The following PCDH9 variants were observed in gnomAD, a reference collection of about 807,000 sequenced individuals.
The protein encoded by PCDH9 is protocadherin-9.
PCDH9 carries 24 observed loss-of-function variants against 70.6 expected under a neutral mutation model. The observed-to-expected ratio is 0.34, with a 90% CI of 0.25 to 0.48. The LOEUF (loss-of-function observed/expected upper bound fraction) is 0.48, where lower values mean the gene tolerates loss of function less well. PCDH9 is among the 20% of genes least tolerant of loss of function. PCDH9 has a pLI of 0.99. For synonymous variants in PCDH9, 562 were observed against 558.5 expected (o/e 1.01, Z -0.09); for missense variants, 1,281 against 1,503.6 (o/e 0.85, Z 2.45).
Position 66,709,981 on chromosome 13 carries a change from T to C in PCDH9, c.3139-78570A>G, listed in dbSNP as rs112844278. Among the ~76,000 whole-genome samples the C allele has an allele frequency of 7.9e-4, 121 of 152,256 alleles. 1 individual carries two copies. Among genetic ancestry groups the C allele is most frequent in the African/African-American group, 2.8e-3 (117 of 41,556 alleles). On this transcript the variant is annotated intron_variant, in intron 3 of 4. Coordinates refer to ENST00000377865, the MANE Select transcript of PCDH9 (RefSeq NM_203487.3). ...ATAGAAATAATATTTTTCATAGTAA[T>C]TTTAAAATATCAATGGATTTTTCTG...
At chr13:66,626,821 T>A (rs2077505530) in intron 4 of PCDH9, among the ~76,000 whole-genome samples, 1 of 152,204 alleles carries the variant, frequency 6.6e-6, no homozygotes, top group South Asian at 2.1e-4. Flanking sequence ...ATGTAAAGAC[T>A]ATCATCATTT....
At chr13:66,348,332 A>T (rs2138162677) in intron 4 of PCDH9, among the ~76,000 whole-genome samples, 1 of 152,266 alleles carries the variant, frequency 6.6e-6, no homozygotes, top group South Asian at 2.1e-4. Context: ...TACCATAGAA[A>T]TGTTCAATAA....
At chr13:66,448,061 G>T (rs1239728469) in intron 4 of PCDH9, among the ~76,000 whole-genome samples, 1 of 151,994 alleles carries the variant, frequency 6.6e-6, no homozygotes, top group Non-Finnish European at 1.5e-5. Flanking sequence ...GGCTGAATAG[G>T]TTCCTTTCTT....
intron 3 of PCDH9, among the ~76,000 whole-genome samples, chr13:66,856,906 T>C (rs1403742305): frequency 6.6e-6 from 1 of 152,052 alleles, no homozygotes; most frequent in Admixed American, 6.6e-5. Flanking sequence ...TGGATTTACC[T>C]TGTAGGTGGG....
At chr13:66,546,787 A>AT (rs1400003365) in intron 4 of PCDH9, among the ~76,000 whole-genome samples, 2 of 152,084 alleles carry the variant, frequency 1.3e-5, no homozygotes, top group Non-Finnish European at 2.9e-5. Context: ...TAAATGTAAC[A>AT]TTTTTTACTC....
chr13:67,081,716 C>A (rs1340563987), intron 2 of PCDH9, among the ~76,000 whole-genome samples: 1 of 152,130 alleles, frequency 6.6e-6, no homozygotes, highest in South Asian at 2.1e-4. Flanking sequence ...CTATGTACTG[C>A]AAATCTTCTG....
At chr13:66,450,634 G>T (rs933227288) in intron 4 of PCDH9, among the ~76,000 whole-genome samples, 33 of 152,168 alleles carry the variant, frequency 2.2e-4, no homozygotes, top group Non-Finnish European at 4.3e-4. Context: ...GTGGAGTTGT[G>T]ACACTGCCAA....
intron 3 of PCDH9, among the ~76,000 whole-genome samples, chr13:66,839,352 A>C (rs1321560641): frequency 6.6e-6 from 1 of 152,134 alleles, no homozygotes; most frequent in African/African-American, 2.4e-5. Flanking sequence ...CCCCAAATCT[A>C]TCGTTTTCTT....
chr13:66,762,329 C>A (rs1416722308), intron 3 of PCDH9, among the ~76,000 whole-genome samples: 1 of 152,042 alleles, frequency 6.6e-6, no homozygotes, highest in Non-Finnish European at 1.5e-5. Flanking sequence ...CCTCCTAGCA[C>A]TGAGACAGGC....
Position 66,831,145 on chromosome 13 carries a change from A to G in PCDH9, c.3138+72359T>C, listed in dbSNP as rs372080076. ...GCATCTACAGATAAGATTCAAATTAATTCTTGGGCAGTAGTGTCTCTTTCT... is the reference window on the plus strand; with the variant it reads ...GCATCTACAGATAAGATTCAAATTAGTTCTTGGGCAGTAGTGTCTCTTTCT... On this transcript the variant is annotated intron_variant, in intron 3 of 4. Transcript: ENST00000377865. Among the ~76,000 whole-genome samples, 8 of 152,258 alleles carry G rather than the reference A, an allele frequency of 5.3e-5. 1 individual carries two copies. Among genetic ancestry groups the G allele is most frequent in the African/African-American group, 1.9e-4 (8 of 41,558 alleles).
At chr13:66,746,415 A>G (rs1217807575) in intron 3 of PCDH9, among the ~76,000 whole-genome samples, 4 of 152,212 alleles carry the variant, frequency 2.6e-5, no homozygotes, top group African/African-American at 9.6e-5. Context: ...TGCCAGATAA[A>G]TACAATTCCT....
intron 3 of PCDH9, among the ~76,000 whole-genome samples, chr13:66,760,460 C>T (rs1269321452): frequency 6.6e-6 from 1 of 152,036 alleles, no homozygotes; most frequent in Non-Finnish European, 1.5e-5. Flanking sequence ...TTTATGAGTT[C>T]CCCAAATTAA....
chr13:66,815,932 C>T (rs1197340735), intron 3 of PCDH9, among the ~76,000 whole-genome samples: 2 of 152,080 alleles, frequency 1.3e-5, no homozygotes, highest in Non-Finnish European at 2.9e-5. Context: ...AAAAAAATAA[C>T]CAGCTTCAAA....
chr13:66,561,477 G>A (rs777475534), intron 4 of PCDH9, among the ~76,000 whole-genome samples: 5 of 152,234 alleles, frequency 3.3e-5, no homozygotes, highest in Non-Finnish European at 7.3e-5. Context: ...GGTGAAGCCA[G>A]CTGGGCTCCT....
chr13:66,511,927 A>G (rs529547757), intron 4 of PCDH9, among the ~76,000 whole-genome samples: 237 of 152,296 alleles, frequency 1.6e-3, no homozygotes, highest in Non-Finnish European at 2.3e-3. Context: ...ACCTAGCCTC[A>G]GGTATTTCTT....
chr13:66,753,719 G>A (rs1442019), intron 3 of PCDH9, among the ~76,000 whole-genome samples: 147,957 of 152,266 alleles, frequency 0.97, 72,026 homozygotes, highest in East Asian at 1. Flanking sequence ...ATGTAAAAAC[G>A]TTTCAGTGCG....
At position 66,522,294 on chromosome 13, in the gene PCDH9, C is replaced by CA. The variant is rs544358284; in HGVS notation, c.3340+108915dup. Among the ~76,000 whole-genome samples the CA allele has an allele frequency of 2.6e-4, 39 of 151,000 alleles. 1 individual carries two copies. The highest frequency in any genetic ancestry group is 6.8e-3 in the Middle Eastern group (2 of 292). ...TGGGAACCAAAATAAGTGACAAAGACAAAAAAAATTACATTGTCGTATGGA... is the reference window on the plus strand; with the variant it reads ...TGGGAACCAAAATAAGTGACAAAGACAAAAAAAAATTACATTGTCGTATGGA... On this transcript the variant is annotated intron_variant, in intron 4 of 4. Coordinates refer to ENST00000377865, the MANE Select transcript of PCDH9 (RefSeq NM_203487.3).
At chr13:66,828,708 T>G in intron 3 of PCDH9, among the ~76,000 whole-genome samples, 1 of 152,024 alleles carries the variant, frequency 6.6e-6, no homozygotes, top group East Asian at 1.9e-4. Flanking sequence ...GGGAGAAACA[T>G]AGAATAACAA....
intron 2 of PCDH9, among the ~76,000 whole-genome samples, chr13:67,079,424 C>T (rs899273194): frequency 2.0e-5 from 3 of 152,028 alleles, no homozygotes; most frequent in African/African-American, 7.2e-5. Context: ...ATCTAAGGGA[C>T]CTGGTTAGTG....
Sources: gnomAD v4.1 joint callset for allele counts (sites outside exome capture counted in the v4.1 genomes callset) on GRCh38, gnomAD v4.1.1 for gene constraint, MANE v1.5 for transcripts, NCBI Gene and HGNC (gene_info 2026-07-23, HGNC 2026-07-21) for gene names.